The following LPIN2 variants were observed in gnomAD, a reference collection of about 807,000 sequenced individuals.
LPIN2 encodes phosphatidate phosphatase LPIN2.
In LPIN2, 55 loss-of-function variants were observed where a neutral mutation model predicts 111.4. The ratio of observed to expected loss-of-function variants is 0.49; its 90% CI spans 0.40 to 0.62. The LOEUF is 0.62. Among genes scored for constraint, LPIN2 ranks in the 20% least tolerant of loss-of-function variants. LPIN2 has a pLI of 0.00. For missense variants in LPIN2, 992 were observed against 1,112.1 expected, an observed-to-expected ratio of 0.89 and a Z score of 1.54; for synonymous variants, 425 against 414.0, an observed-to-expected ratio of 1.03 and a Z score of -0.32.
In LPIN2 at chr18:2,987,467, C is replaced by T. The variant is rs550892556; in HGVS notation, c.-10+25620G>A. Among the ~76,000 whole-genome samples, 4 of 152,212 alleles carry T rather than the reference C, an allele frequency of 2.6e-5. 1 individual carries two copies. Among genetic ancestry groups the T allele is most frequent in the Middle Eastern group, 6.8e-3 (2 of 294 alleles). On this transcript the variant is annotated intron_variant, in intron 1 of 19. Transcript: ENST00000677752. ...AAGTGAAAATTATCACAAAATGTAT[C>T]GGCATCATGTAGGAACCCCTCATCC...
chr18:2,988,553 C>T (rs919933217), intron 1 of LPIN2, among the ~76,000 whole-genome samples: 10 of 152,194 alleles, frequency 6.6e-5, no homozygotes, highest in African/African-American at 1.4e-4. Context: ...TTATATTCTA[C>T]ACATACAGAT....
chr18:2,942,492 A>C (rs1158332704), intron 4 of LPIN2, among the ~76,000 whole-genome samples: 1 of 152,224 alleles, frequency 6.6e-6, no homozygotes, highest in Non-Finnish European at 1.5e-5. Context: ...TTTATATTAC[A>C]AATATTTTAC....
At chr18:2,958,299 TG>T (rs2077655537) in intron 2 of LPIN2, among the ~76,000 whole-genome samples, 1 of 152,066 alleles carries the variant, frequency 6.6e-6, no homozygotes, top group Non-Finnish European at 1.5e-5. Flanking sequence ...CTAAATTTAC[TG>T]GGAGTACTGC....
chr18:3,009,405 C>A (rs1047279318), intron 1 of LPIN2, among the ~76,000 whole-genome samples: 9 of 151,780 alleles, frequency 5.9e-5, no homozygotes, highest in Non-Finnish European at 1.2e-4. Context: ...TAGTAAAATT[C>A]TAAATTCAAA....
Position 2,999,737 on chromosome 18 carries a change from C to A in LPIN2, c.-10+13350G>T, listed in dbSNP as rs150681921. Among the ~76,000 whole-genome samples the A allele has an allele frequency of 2.6e-5, 4 of 152,258 alleles. No individual in the cohort carries two copies. The East Asian group carries it at 5.8e-4, about 22-fold the overall frequency. On this transcript the variant is annotated intron_variant, in intron 1 of 19. Transcript: ENST00000677752. ...AGGAACGCCAAAGGCTGCCAGCAACCCACCAGCAGCTAGGAGAGGACGCTA... is the reference window on the plus strand; with the variant it reads ...AGGAACGCCAAAGGCTGCCAGCAACACACCAGCAGCTAGGAGAGGACGCTA...
At chr18:2,926,066 G>A (rs1235880368) in intron 13 of LPIN2, among the ~76,000 whole-genome samples, 1 of 152,136 alleles carries the variant, frequency 6.6e-6, no homozygotes. Context: ...TGTATGAGCC[G>A]AGGAGCTATG....
intron 17 of LPIN2, 145 bp from the exon 18 acceptor site, chr18:2,921,792 G>C: frequency 1.3e-6 from 1 of 770,654 alleles, no homozygotes; most frequent in South Asian, 1.6e-5. Flanking sequence ...TTGCCAGTCT[G>C]ATAACTAAGA....
chr18:2,939,380 G>A lies in LPIN2; in HGVS notation c.822+100C>T, dbSNP rs1028016779. 6.4e-6 allele frequency: 9 copies of A among 1,412,138 alleles called. No homozygotes were observed. In the South Asian group the frequency reaches 9.2e-5, roughly 15 times the overall value. The allele number at this position is 1,412,138 out of a possible 1,614,324, so 87.5% of individuals were successfully genotyped here. A position where few individuals can be genotyped will look rare whatever the true frequency, so the allele number is the denominator to read the frequency against. Reference sequence around the variant, plus strand: ...TGAGGGCACTATCATTTACATTCATGAGAGCTCAGTCAGAAATTGCCTCCT... The same window carrying A: ...TGAGGGCACTATCATTTACATTCATAAGAGCTCAGTCAGAAATTGCCTCCT... On this transcript the variant is annotated intron_variant, in intron 6 of 19. Coordinates refer to ENST00000677752, the MANE Select transcript of LPIN2 (RefSeq NM_001375808.2).
chr18:2,936,716 A>C (rs956792030), intron 7 of LPIN2, among the ~76,000 whole-genome samples: 2 of 152,146 alleles, frequency 1.3e-5, no homozygotes, highest in Non-Finnish European at 2.9e-5. Context: ...AGTAGCTGGG[A>C]CCACAGATGA....
At chr18:2,950,767 GCAAAT>G (rs2143102291) in intron 4 of LPIN2, 1 of 452,558 alleles carries the variant, frequency 2.2e-6, no homozygotes, top group Admixed American at 3.5e-5. Context: ...TCACCGAGGG[GCAAAT>G]CACTAATTCA....
At chr18:2,936,874 T>C (rs542668781) in intron 7 of LPIN2, among the ~76,000 whole-genome samples, 1 of 152,248 alleles carries the variant, frequency 6.6e-6, no homozygotes, top group East Asian at 1.9e-4. Context: ...CCACTGCACC[T>C]AGCCTTCTAC....
At chr18:2,926,853 A>T in intron 12 of LPIN2, 48 bp from the exon 13 acceptor site, 1 of 1,478,812 alleles carries the variant, frequency 6.8e-7, no homozygotes, top group African/African-American at 1.4e-5. Flanking sequence ...TTCCCTACAG[A>T]TAAGCCAAGT....
intron 1 of LPIN2, among the ~76,000 whole-genome samples, chr18:2,999,459 G>T (rs970695217): frequency 6.6e-6 from 1 of 151,784 alleles, no homozygotes; most frequent in Non-Finnish European, 1.5e-5. Context: ...AAAAAAATTA[G>T]CCGGGCGCGG....
chr18:2,944,045 C>T (rs1004262552), intron 4 of LPIN2, among the ~76,000 whole-genome samples: 2 of 151,784 alleles, frequency 1.3e-5, no homozygotes, highest in Non-Finnish European at 2.9e-5. Context: ...TTAATTTATT[C>T]CCAAACTTTC....
Position 2,954,617 on chromosome 18 carries a change from T to A in LPIN2, c.193-18A>T, listed in dbSNP as rs748188345. The A allele has an allele frequency of 3.3e-6, 5 of 1,516,020 alleles. No homozygotes were observed. In the Admixed American group the frequency reaches 8.3e-5, roughly 25 times the overall value. 93.9% of individuals were successfully genotyped at this position (1,516,020 alleles called of 1,614,324 possible). A position where few individuals can be genotyped will look rare whatever the true frequency, so the allele number is the denominator to read the frequency against. ...ATATCAATCTATGGGAGAAACAAAG[T>A]ATGACTTAATGTTCAAGGAGTCTTT... On this transcript the variant is annotated intron_variant, in intron 2 of 19. Transcript: ENST00000677752.
intron 16 of LPIN2, among the ~76,000 whole-genome samples, chr18:2,922,780 A>G (rs1049570235): frequency 1.3e-5 from 2 of 152,240 alleles, no homozygotes; most frequent in East Asian, 3.8e-4. Context: ...TAGTCCATGA[A>G]AGCCAGATTA....
chr18:2,961,980 A>G (rs1330715739), intron 1 of LPIN2, among the ~76,000 whole-genome samples: 1 of 152,224 alleles, frequency 6.6e-6, no homozygotes. Context: ...TTAAAGGTCC[A>G]TGCTCTGAAA....
intron 1 of LPIN2, among the ~76,000 whole-genome samples, chr18:2,998,964 C>G (rs1225370750): frequency 6.6e-6 from 1 of 152,210 alleles, no homozygotes; most frequent in East Asian, 1.9e-4. Context: ...TTGGCAGTCA[C>G]AAGTCTGAAC....
chr18:2,938,555 G>C (rs554660917), intron 6 of LPIN2, among the ~76,000 whole-genome samples: 2 of 152,072 alleles, frequency 1.3e-5, no homozygotes, highest in Non-Finnish European at 2.9e-5. Flanking sequence ...ATGTTCTACT[G>C]TGAAGTTATA....
Sources: allele counts gnomAD v4.1 joint callset (sites outside exome capture counted in the v4.1 genomes callset), GRCh38; gene constraint gnomAD v4.1.1; transcripts MANE v1.5; gene names NCBI Gene and HGNC (gene_info 2026-07-23, HGNC 2026-07-21).